Variants in ERC2 observed in about 807,000 individuals in gnomAD.
ERC2 encodes ELKS/RAB6-interacting/CAST family member 2, also known as ERC protein 2.
ERC2 carries 42 observed loss-of-function variants against 114.8 expected under a neutral mutation model. The ratio of observed to expected loss-of-function variants is 0.37; its 90% CI spans 0.29 to 0.47. The LOEUF is 0.47. ERC2 is among the 20% of genes least tolerant of loss of function. The pLI is 0.99. For synonymous variants in ERC2, 454 were observed against 425.5 expected, an observed-to-expected ratio of 1.07 and a Z score of -0.82; for missense variants, 939 against 1,150.7, an observed-to-expected ratio of 0.82 and a Z score of 2.66.
intron 3 of ERC2, among the ~76,000 whole-genome samples, chr3:56,231,593 A>C (rs995345698): frequency 6.6e-6 from 1 of 152,218 alleles, no homozygotes; most frequent in Admixed American, 6.5e-5. Context: ...TACACAATGC[A>C]TTATAAATTA....
chr3:55,562,323 T>C (rs1225537661), intron 17 of ERC2, among the ~76,000 whole-genome samples: 1 of 152,088 alleles, frequency 6.6e-6, no homozygotes, highest in African/African-American at 2.4e-5. Context: ...CAGCTAATTT[T>C]TGTATTTTTA....
chr3:56,233,494 A>C (rs2050755731), intron 3 of ERC2, among the ~76,000 whole-genome samples: 1 of 152,010 alleles, frequency 6.6e-6, no homozygotes, highest in Non-Finnish European at 1.5e-5. Flanking sequence ...AAATACAAAA[A>C]TTAGCCGGGA....
intron 9 of ERC2, 150 bp downstream of exon 9, chr3:56,010,299 T>G: frequency 1.0e-6 from 1 of 973,070 alleles, no homozygotes; most frequent in African/African-American, 1.6e-5. Flanking sequence ...AAAAATTCCT[T>G]TAAATTCAGG....
chr3:55,516,111 G>A (rs2052480490), intron 17 of ERC2, among the ~76,000 whole-genome samples: 1 of 152,146 alleles, frequency 6.6e-6, no homozygotes, highest in Non-Finnish European at 1.5e-5. Flanking sequence ...CACATAAAAG[G>A]CAAGCCCCTG....
At chr3:56,179,174 G>T (rs945984907) in intron 3 of ERC2, among the ~76,000 whole-genome samples, 1 of 152,154 alleles carries the variant, frequency 6.6e-6, no homozygotes, top group Non-Finnish European at 1.5e-5. Context: ...CCACTGACTG[G>T]ACAAGCTTCA....
intron 8 of ERC2, among the ~76,000 whole-genome samples, chr3:56,018,258 G>A (rs1261932771): frequency 6.6e-6 from 1 of 152,136 alleles, no homozygotes; most frequent in Non-Finnish European, 1.5e-5. Context: ...TAAGTAATTT[G>A]TCCAAAGTAG....
intron 17 of ERC2, among the ~76,000 whole-genome samples, chr3:55,567,793 T>C (rs1180528074): frequency 6.6e-6 from 1 of 152,150 alleles, no homozygotes; most frequent in East Asian, 1.9e-4. Flanking sequence ...TCATCACCCA[T>C]GAAGCCAGGG....
At chr3:56,465,435 T>C (rs111585728) in intron 1 of ERC2, among the ~76,000 whole-genome samples, 2 of 152,148 alleles carry the variant, frequency 1.3e-5, no homozygotes, top group Admixed American at 6.5e-5. Context: ...AAGACGGTCA[T>C]GCTATTACAA....
intron 14 of ERC2, among the ~76,000 whole-genome samples, chr3:55,773,554 T>C (rs1041494018): frequency 1.3e-5 from 2 of 152,274 alleles, no homozygotes; most frequent in Non-Finnish European, 2.9e-5. Context: ...GACAAGCTAA[T>C]ACTCATCTTG....
chr3:55,586,637 A>G (rs2057619006), intron 17 of ERC2, among the ~76,000 whole-genome samples: 1 of 152,222 alleles, frequency 6.6e-6, no homozygotes, highest in Non-Finnish European at 1.5e-5. Context: ...ACATTTTCAC[A>G]TTTGTGACAT....
chr3:55,891,437 ATTTTTTTTTTTT>A (rs869073962), intron 13 of ERC2, among the ~76,000 whole-genome samples: 41 of 86,952 alleles, frequency 4.7e-4, no homozygotes, highest in African/African-American at 8.7e-4. Flanking sequence ...GTCTGGTTCT[ATTTTTTTTTTTT>A]TTTTTTTTTT....
intron 3 of ERC2, among the ~76,000 whole-genome samples, chr3:56,212,799 A>C (rs2049158266): frequency 6.6e-6 from 1 of 151,944 alleles, no homozygotes; most frequent in African/African-American, 2.4e-5. Context: ...ACATATACAC[A>C]CACACACACA....
At chr3:55,512,342 T>C (rs2052143148) in intron 17 of ERC2, among the ~76,000 whole-genome samples, 1 of 152,196 alleles carries the variant, frequency 6.6e-6, no homozygotes, top group Non-Finnish European at 1.5e-5. Flanking sequence ...GGCAAAAAAA[T>C]GACTTTTGCA....
At chr3:55,803,451 C>T (rs1476240652) in intron 14 of ERC2, among the ~76,000 whole-genome samples, 1 of 151,256 alleles carries the variant, frequency 6.6e-6, no homozygotes. Flanking sequence ...AAAATAAACA[C>T]AGGAACTCCA....
At chr3:56,180,870 T>C (rs2083252159) in intron 3 of ERC2, among the ~76,000 whole-genome samples, 1 of 152,236 alleles carries the variant, frequency 6.6e-6, no homozygotes, top group Admixed American at 6.5e-5. Flanking sequence ...CCCACAACCG[T>C]TCCCATCTCT....
intron 13 of ERC2, among the ~76,000 whole-genome samples, chr3:55,927,869 T>C (rs180841849): frequency 6.6e-6 from 1 of 152,342 alleles, no homozygotes; most frequent in African/African-American, 2.4e-5. Flanking sequence ...TTGGTCTTTC[T>C]GTGCCTGGCT....
chr3:55,859,270 G>A (rs778377829), intron 14 of ERC2, among the ~76,000 whole-genome samples: 3 of 152,098 alleles, frequency 2.0e-5, no homozygotes, highest in Non-Finnish European at 2.9e-5. Context: ...CCACAAAATC[G>A]TTTCTTATTT....
chr3:56,055,388 C>G (rs1450976858), intron 7 of ERC2, among the ~76,000 whole-genome samples: 1 of 152,126 alleles, frequency 6.6e-6, no homozygotes, highest in Non-Finnish European at 1.5e-5. Context: ...TTCCTCCCTT[C>G]CAAGGAGTGA....
chr3:56,051,248 A>G (rs1017407846), intron 7 of ERC2, among the ~76,000 whole-genome samples: 9 of 151,652 alleles, frequency 5.9e-5, no homozygotes, highest in Non-Finnish European at 1.0e-4. Flanking sequence ...TGGAACTCAG[A>G]TAAGTGCTAG....
Sources: allele counts gnomAD v4.1 joint callset (sites outside exome capture counted in the v4.1 genomes callset), GRCh38; gene constraint gnomAD v4.1.1; transcripts MANE v1.5; gene names NCBI Gene and HGNC (gene_info 2026-07-23, HGNC 2026-07-21).